Variants in CDC42EP4 observed in about 807,000 individuals in gnomAD.
CDC42EP4 encodes CDC42 effector protein (Rho GTPase binding) 4.
CDC42EP4 carries 6 observed loss-of-function variants against 5.6 expected under a neutral mutation model. That is an observed-to-expected ratio of 1.07 (90% CI 0.59 to 2.12). The LOEUF (loss-of-function observed/expected upper bound fraction) is 2.12, where lower values mean the gene tolerates loss of function less well. Among genes scored for constraint, CDC42EP4 ranks in the 30% most tolerant of loss-of-function variants. CDC42EP4 has a pLI of 0.00. For missense variants in CDC42EP4, 490 were observed against 508.6 expected (o/e 0.96, Z 0.35); for synonymous variants, 230 against 224.2 (o/e 1.03, Z -0.23).
rs1397146098 is a variant in CDC42EP4, at chr17:73,284,504, G to A, written c.*926C>T. On this transcript the variant is annotated 3_prime_UTR_variant, in exon 2 of 2. Transcript: ENST00000335793. ...TGGGAAGCACTAAAGTTGAGCTGGT[G>A]TCTTTGCCACGGATGTCCCCAGACT... 1 of 152,138 alleles carries A rather than the reference G, an allele frequency of 6.6e-6. No homozygotes were observed. The highest frequency in any genetic ancestry group is 1.5e-5 in the Non-Finnish European group (1 of 68,024). 9.4% of individuals were successfully genotyped at this position (152,138 alleles called of 1,614,324 possible).
chr17:73,292,556 T>C (rs1329206173), intron 1 of CDC42EP4, among the ~76,000 whole-genome samples: 1 of 152,136 alleles, frequency 6.6e-6, no homozygotes, highest in Non-Finnish European at 1.5e-5. Context: ...AAATGGTATC[T>C]CATATTCCTC....
At chr17:73,300,489 T>A (rs2062212939) in intron 1 of CDC42EP4, among the ~76,000 whole-genome samples, 1 of 152,182 alleles carries the variant, frequency 6.6e-6, no homozygotes, top group South Asian at 2.1e-4. Flanking sequence ...CTTCTCTCTA[T>A]GAGTTAATAA....
rs776795195 is a variant in CDC42EP4 at position 73,285,985 on chromosome 17, T to C, written c.516A>G (p.Pro172=). The C allele has an allele frequency of 1.2e-6, 2 of 1,613,490 alleles. No homozygotes were observed. Among genetic ancestry groups the C allele is most frequent in the Admixed American group, 3.3e-5 (2 of 60,022 alleles). The part of the protein sequence containing the change: ...AVPRRNGAAG[P]HSPDPLLDEQ... ...CATCGAGGAGGGGGTCAGGGGAATGTGGACCCGCGGCCCCATTCCGACGGG... is the reference window on the plus strand; with the variant it reads ...CATCGAGGAGGGGGTCAGGGGAATGCGGACCCGCGGCCCCATTCCGACGGG... The change falls in exon 2 of 2, where the codon CCA becomes CCG. Residue 172 remains proline (P), a synonymous_variant. Transcript: ENST00000335793. This position sits in a 1 kb window ranked among gnomAD's most constrained non-coding sequence, Gnocchi z 6.8.
intron 1 of CDC42EP4, among the ~76,000 whole-genome samples, chr17:73,295,082 G>C (rs548138885): frequency 2.6e-5 from 4 of 152,160 alleles, no homozygotes; most frequent in Non-Finnish European, 5.9e-5. Context: ...AAAGTGCTGG[G>C]ATTACAGGCT....
intron 1 of CDC42EP4, among the ~76,000 whole-genome samples, chr17:73,294,996 G>A (rs2062177805): frequency 6.6e-6 from 1 of 151,876 alleles, no homozygotes; most frequent in Non-Finnish European, 1.5e-5. Flanking sequence ...TTTTTTAGTA[G>A]AGACGGGGTT....
Position 73,285,663 on chromosome 17 carries a change from C to T in CDC42EP4, c.838G>A (p.Ala280Thr). The T allele has an allele frequency of 6.3e-7, 1 of 1,584,960 alleles. No individual in the cohort carries two copies. The highest frequency in any genetic ancestry group is 8.6e-7 in the Non-Finnish European group (1 of 1,161,970). The change falls in exon 2 of 2, where the codon GCT (alanine) becomes ACT (threonine). Residue 280 changes from alanine (A) to threonine (T), a missense_variant. Ala to Thr is a moderately conservative substitution (Grantham distance 58). Coordinates refer to ENST00000335793, the MANE Select transcript of CDC42EP4 (RefSeq NM_012121.5). The surrounding 1 kb of genome is among the most constrained non-coding windows in gnomAD (Gnocchi z 6.8). The part of the protein sequence containing the change: ...GPDLPSLPSH[A>T]LEDEGWAAAA... ...GCTGCCCACCCCTCATCCTCCAGAG[C>T]ATGGGAGGGGAGGGAGGGCAAGTCT...
chr17:73,297,388 C>T (rs1373366497), intron 1 of CDC42EP4, among the ~76,000 whole-genome samples: 2 of 151,100 alleles, frequency 1.3e-5, no homozygotes, highest in African/African-American at 4.9e-5. Flanking sequence ...GCAGGAGAAT[C>T]TCTTGAACCC....
chr17:73,291,139 C>T (rs897092324), intron 1 of CDC42EP4, among the ~76,000 whole-genome samples: 1 of 152,190 alleles, frequency 6.6e-6, no homozygotes, highest in Non-Finnish European at 1.5e-5. Flanking sequence ...CCCAGAAAGA[C>T]AGGGACAGGT....
intron 1 of CDC42EP4, among the ~76,000 whole-genome samples, chr17:73,294,911 C>G (rs1249009835): frequency 6.6e-6 from 1 of 152,088 alleles, no homozygotes; most frequent in African/African-American, 2.4e-5. Context: ...CAGATTCAGG[C>G]AATTCTCCTG....
At chr17:73,299,952 T>C (rs965479374) in intron 1 of CDC42EP4, among the ~76,000 whole-genome samples, 11 of 152,110 alleles carry the variant, frequency 7.2e-5, no homozygotes, top group Admixed American at 5.9e-4. Flanking sequence ...ATGGGAAGGA[T>C]CACCCTGAAG....
At chr17:73,294,981 G>T (rs977349073) in intron 1 of CDC42EP4, among the ~76,000 whole-genome samples, 5 of 143,010 alleles carry the variant, frequency 3.5e-5, no homozygotes, top group Non-Finnish European at 7.7e-5. Context: ...GCTAATTTTT[G>T]TATTTTTTTT....
At chr17:73,291,490 T>C (rs184549965) in intron 1 of CDC42EP4, among the ~76,000 whole-genome samples, 4 of 152,180 alleles carry the variant, frequency 2.6e-5, no homozygotes, top group Admixed American at 2.6e-4. Context: ...AGCTGGATCA[T>C]AGAGTTTAAG....
At chr17:73,307,471 G>A (rs779566740) in intron 1 of CDC42EP4, among the ~76,000 whole-genome samples, 4 of 143,446 alleles carry the variant, frequency 2.8e-5, no homozygotes, top group Non-Finnish European at 4.5e-5. Context: ...TTTTTTAGAC[G>A]GAGTCTCGCT....
In CDC42EP4 at chr17:73,286,296, G is replaced by T. The variant is rs758584506; in HGVS notation, c.205C>A (p.Pro69Thr). The change falls in exon 2 of 2, where the codon CCC becomes ACC. Residue 69 changes from proline to threonine, a missense_variant. Coordinates refer to ENST00000335793, the MANE Select transcript of CDC42EP4 (RefSeq NM_012121.5). This position sits in a 1 kb window ranked among gnomAD's most constrained non-coding sequence, Gnocchi z 7.7. ...CTGCGTTTGGAAGATGAAGAAGAGG[G>T]CTGTTCGTCCAAGGACTCGCCGTCG... ...EPDGESLDEQ[P>T]SSSSSKRSLL... 1.9e-6 allele frequency: 3 copies of T among 1,614,228 alleles called. No individual in the cohort carries two copies. The highest frequency in any genetic ancestry group is 1.7e-5 in the Admixed American group (1 of 60,032).
At chr17:73,296,980 CAAAAAAAAAAA>C (rs35158994) in intron 1 of CDC42EP4, among the ~76,000 whole-genome samples, 1 of 18,136 alleles carries the variant, frequency 5.5e-5, no homozygotes, top group Non-Finnish European at 9.9e-5. Context: ...GACTCCGTCT[CAAAAAAAAAAA>C]AAAAAAAAAA....
intron 1 of CDC42EP4, among the ~76,000 whole-genome samples, chr17:73,292,726 C>T (rs1018001910): frequency 2.0e-5 from 3 of 152,284 alleles, no homozygotes; most frequent in South Asian, 2.1e-4. Flanking sequence ...CGCGTGCAAA[C>T]GCCGGGGTAT....
intron 1 of CDC42EP4, among the ~76,000 whole-genome samples, chr17:73,302,151 T>C (rs1278890138): frequency 6.6e-6 from 1 of 152,076 alleles, no homozygotes; most frequent in African/African-American, 2.4e-5. Context: ...TACCTTTTTT[T>C]CCCCCTAACA....
At position 73,288,408 on chromosome 17, in the gene CDC42EP4, ATTTTTTT is replaced by A. The variant is rs749501604; in HGVS notation, c.-112-1803_-112-1797del. 3.7e-3 allele frequency among the ~76,000 whole-genome samples: 514 copies of A among 137,592 alleles called. 2 individuals carry two copies. Among genetic ancestry groups the A allele is most frequent in the African/African-American group, 0.013 (499 of 37,634 alleles). The allele number at this position is 137,592 out of a possible 152,430, so 90.3% of individuals were successfully genotyped here. ...CAGGTGCACACCACCACGTCCAGCT[ATTTTTTT>A]TTTTTTTTTGTAATTTTAGTAGAGA... On this transcript the variant is annotated intron_variant, in intron 1 of 1. Coordinates refer to ENST00000335793, the MANE Select transcript of CDC42EP4 (RefSeq NM_012121.5).
At chr17:73,310,355 C>T (rs941461042) in intron 1 of CDC42EP4, among the ~76,000 whole-genome samples, 2 of 152,142 alleles carry the variant, frequency 1.3e-5, no homozygotes, top group Non-Finnish European at 2.9e-5. Context: ...TATTTACACT[C>T]GCTGGATGGG....
Sources: allele counts gnomAD v4.1 joint callset (sites outside exome capture counted in the v4.1 genomes callset), GRCh38; gene constraint gnomAD v4.1.1; non-coding constraint Gnocchi (gnomAD v3.1); transcripts MANE v1.5; gene names NCBI Gene and HGNC (gene_info 2026-07-23, HGNC 2026-07-21).